Variants in PKHD1 observed in about 807,000 individuals in gnomAD.
The protein encoded by PKHD1 is fibrocystin.
Under a neutral mutation model 412.0 loss-of-function variants are expected in PKHD1, and 291 were observed. The observed-to-expected ratio is 0.71, with a 90% CI of 0.64 to 0.78. The LOEUF is 0.78. Ranked by LOEUF, PKHD1 falls within the 30% of genes least tolerant of loss-of-function variation. The pLI, the probability that PKHD1 is intolerant of heterozygous loss-of-function variation, is 0.00. For synonymous variants in PKHD1, 1,777 were observed against 1,821.5 expected, an observed-to-expected ratio of 0.98 and a Z score of 0.62; for missense variants, 4,825 against 4,950.7, an observed-to-expected ratio of 0.97 and a Z score of 0.76.
chr6:51,943,005 G>A (rs547624036), intron 36 of PKHD1, among the ~76,000 whole-genome samples: 1 of 151,586 alleles, frequency 6.6e-6, no homozygotes. Flanking sequence ...CACTTTCACT[G>A]GATAGGTAGA....
chr6:51,733,774 A>G (rs2150904350), intron 60 of PKHD1, among the ~76,000 whole-genome samples: 1 of 152,188 alleles, frequency 6.6e-6, no homozygotes, highest in East Asian at 1.9e-4. Flanking sequence ...GAAACCTGGA[A>G]AGACTTATAC....
At chr6:51,735,844 G>A (rs1783776836) in intron 60 of PKHD1, among the ~76,000 whole-genome samples, 1 of 152,098 alleles carries the variant, frequency 6.6e-6, no homozygotes, top group African/African-American at 2.4e-5. Context: ...TGAGGTGGGA[G>A]GATCACTTGA....
chr6:51,896,418 C>G (rs573976413), intron 43 of PKHD1, among the ~76,000 whole-genome samples: 8 of 151,894 alleles, frequency 5.3e-5, no homozygotes, highest in Admixed American at 3.9e-4. Flanking sequence ...ACACCTCACA[C>G]GGCAGGGTAC....
intron 6 of PKHD1, 66 bp downstream of exon 6, chr6:52,076,210 T>C (rs1811307368): frequency 9.0e-7 from 1 of 1,115,816 alleles, no homozygotes; most frequent in Non-Finnish European, 1.4e-6. Context: ...ACCACTCACC[T>C]AGGTTTGCAA....
At chr6:51,830,372 A>G (rs1768036192) in intron 52 of PKHD1, among the ~76,000 whole-genome samples, 1 of 152,182 alleles carries the variant, frequency 6.6e-6, no homozygotes, top group Non-Finnish European at 1.5e-5. Context: ...AGATACATAG[A>G]TAGGTATTTT....
At chr6:52,072,037 G>A in intron 8 of PKHD1, 78 bp downstream of exon 8, 1 of 844,178 alleles carries the variant, frequency 1.2e-6, no homozygotes, top group Non-Finnish European at 2.1e-6. Flanking sequence ...GGGAGAGAAA[G>A]AGAGAGAATG....
intron 55 of PKHD1, among the ~76,000 whole-genome samples, chr6:51,762,629 T>G (rs576859102): frequency 4.2e-4 from 62 of 148,218 alleles, no homozygotes; most frequent in Admixed American, 2.9e-3. Context: ...CTCCGAAGTT[T>G]TCACACTACC....
chr6:52,021,593 T>C (rs1347339279), intron 33 of PKHD1, among the ~76,000 whole-genome samples: 11 of 152,220 alleles, frequency 7.2e-5, no homozygotes, highest in Admixed American at 7.2e-4. Flanking sequence ...GAGCAGTGAA[T>C]CAGACAATGT....
chr6:51,834,795 G>A (rs1449294739), intron 51 of PKHD1, among the ~76,000 whole-genome samples: 1 of 152,068 alleles, frequency 6.6e-6, no homozygotes, highest in Non-Finnish European at 1.5e-5. Context: ...ACTATATGAG[G>A]TAGGAAAACT....
At chr6:52,043,186 T>C (rs1247831704) in intron 26 of PKHD1, 52 bp from the exon 27 acceptor site, 1 of 1,416,558 alleles carries the variant, frequency 7.1e-7, no homozygotes, top group Non-Finnish European at 9.8e-7. Context: ...CTCAGTGATA[T>C]TACTTCATTT....
chr6:51,752,932 T>C (rs2151009092), intron 57 of PKHD1, among the ~76,000 whole-genome samples: 1 of 152,322 alleles, frequency 6.6e-6, no homozygotes, highest in Middle Eastern at 3.4e-3. Flanking sequence ...ATCTATAATT[T>C]CAAAGCAGTG....
chr6:51,807,925 T>C (rs527657823), intron 52 of PKHD1, among the ~76,000 whole-genome samples: 6 of 152,022 alleles, frequency 3.9e-5, no homozygotes, highest in Non-Finnish European at 8.8e-5. Context: ...GATTGCGGAC[T>C]AGGGAGTTAT....
At chr6:52,021,305 A>G (rs915750722) in intron 33 of PKHD1, among the ~76,000 whole-genome samples, 4 of 152,230 alleles carry the variant, frequency 2.6e-5, no homozygotes, top group Non-Finnish European at 5.9e-5. Flanking sequence ...TAAAACTTAA[A>G]ATATCACAAC....
At chr6:52,027,532 CAAAAAAAAA>C (rs1229066296) in intron 31 of PKHD1, among the ~76,000 whole-genome samples, 4 of 83,894 alleles carry the variant, frequency 4.8e-5, no homozygotes, top group Non-Finnish European at 8.6e-5. Flanking sequence ...AACTCCGTCT[CAAAAAAAAA>C]AAAAAAAAGA....
intron 63 of PKHD1, among the ~76,000 whole-genome samples, chr6:51,644,381 T>G (rs1769804105): frequency 6.6e-6 from 1 of 152,202 alleles, no homozygotes; most frequent in Admixed American, 6.5e-5. Context: ...GGAACAGTTT[T>G]AGGCCAATAA....
At chr6:51,838,150 T>C (rs969861002) in intron 50 of PKHD1, among the ~76,000 whole-genome samples, 1 of 152,236 alleles carries the variant, frequency 6.6e-6, no homozygotes, top group Non-Finnish European at 1.5e-5. Flanking sequence ...TCCTGTGATA[T>C]TCATCCCAAA....
chr6:52,059,631 C>A (rs1250187395), intron 15 of PKHD1, among the ~76,000 whole-genome samples: 2 of 152,032 alleles, frequency 1.3e-5, no homozygotes, highest in African/African-American at 4.8e-5. Flanking sequence ...TATATACACA[C>A]AAACACATAC....
At chr6:51,990,344 T>C (rs1408413107) in intron 35 of PKHD1, among the ~76,000 whole-genome samples, 5 of 152,312 alleles carry the variant, frequency 3.3e-5, no homozygotes, top group Non-Finnish European at 7.4e-5. Flanking sequence ...TTAACAACCT[T>C]GTGCAGATGT....
rs2128203974 is a variant in PKHD1, at chr6:52,053,253, T to A, written c.1965-2A>T. On this transcript the variant is annotated splice_acceptor_variant, in intron 20 of 66. Coordinates refer to ENST00000371117, the MANE Select transcript of PKHD1 (RefSeq NM_138694.4). LOFTEE classifies it high-confidence loss of function. ...AGGTCAGTGCAATCGAACTGCCAGCTGAAAAACAGCATGGAGCAGAACTGG... is the reference window on the plus strand; with the variant it reads ...AGGTCAGTGCAATCGAACTGCCAGCAGAAAAACAGCATGGAGCAGAACTGG... 6.2e-7 allele frequency: 1 copy of A among 1,614,064 alleles called. No individual in the cohort carries two copies. Among genetic ancestry groups the A allele is most frequent in the African/African-American group, 1.3e-5 (1 of 75,062 alleles).
Sources: allele counts gnomAD v4.1 joint callset (sites outside exome capture counted in the v4.1 genomes callset), GRCh38; gene constraint gnomAD v4.1.1; transcripts MANE v1.5; gene names NCBI Gene and HGNC (gene_info 2026-07-23, HGNC 2026-07-21).